The following RUVBL1 variants were observed in gnomAD, a reference collection of about 807,000 sequenced individuals.
RUVBL1 encodes RuvB like AAA ATPase 1.
Under a neutral mutation model 52.4 loss-of-function variants are expected in RUVBL1, and 4 were observed. The ratio of observed to expected loss-of-function variants is 0.08; its 90% CI spans 0.04 to 0.17. The LOEUF (loss-of-function observed/expected upper bound fraction) is 0.17, where lower values mean the gene tolerates loss of function less well. Among genes scored for constraint, RUVBL1 ranks in the 10% least tolerant of loss-of-function variants. The pLI is 1.00. For missense variants in RUVBL1, 298 were observed against 572.8 expected (o/e 0.52, Z 4.90); for synonymous variants, 217 against 214.4 (o/e 1.01, Z -0.10).
chr3:128,140,663 T>C (rs570157622), intron 1 of RUVBL1, among the ~76,000 whole-genome samples: 1 of 152,150 alleles, frequency 6.6e-6, no homozygotes, highest in Non-Finnish European at 1.5e-5. Flanking sequence ...ATGTGTCCCA[T>C]AGCAACATTT....
In RUVBL1 at chr3:128,150,871, T is replaced by TATA. The variant is rs1475806666; in HGVS notation, c.-40+2329_-40+2331dup. Among the ~76,000 whole-genome samples the TATA allele has an allele frequency of 3.5e-4, 24 of 69,156 alleles. 1 individual carries two copies. The highest frequency in any genetic ancestry group is 1.3e-3 in the South Asian group (3 of 2,264). 45.4% of individuals were successfully genotyped at this position (69,156 alleles called of 152,430 possible). A position where few individuals can be genotyped will look rare whatever the true frequency, so the allele number is the denominator to read the frequency against. ...TATTCTATATATTATATATTATATATATATATTCTATATATATATTCTATA... is the reference window on the plus strand; with the variant it reads ...TATTCTATATATTATATATTATATATATAATATATTCTATATATATATTCTATA... On this transcript the variant is annotated intron_variant, in intron 1 of 9. Transcript: ENST00000464873.
intron 3 of RUVBL1, among the ~76,000 whole-genome samples, chr3:128,107,499 C>A (rs1020948234): frequency 6.6e-6 from 1 of 152,184 alleles, no homozygotes; most frequent in Non-Finnish European, 1.5e-5. Flanking sequence ...GTGTCAGGTA[C>A]GCTCTGTAAC....
chr3:128,094,798 G>C (rs532079418), intron 8 of RUVBL1, among the ~76,000 whole-genome samples: 2 of 152,294 alleles, frequency 1.3e-5, no homozygotes, highest in East Asian at 3.9e-4. Flanking sequence ...GTTCTGGGGG[G>C]TAAGGAAGCC....
Position 128,110,252 on chromosome 3 carries a change from C to T in RUVBL1, c.361+2636G>A, listed in dbSNP as rs565968340. 9.2e-5 allele frequency among the ~76,000 whole-genome samples: 14 copies of T among 152,254 alleles called. No homozygotes were observed. In the South Asian group the frequency reaches 2.1e-3, roughly 23 times the overall value. The stretch of plus-strand genomic sequence containing the variant: ...AGCGAGCTATTGTTACACCACTGCA[C>T]TTTAGCCTGGACAACAGAGTAAGAC... On this transcript the variant is annotated intron_variant, in intron 3 of 10. Transcript: ENST00000322623.
chr3:128,098,023 G>C (rs1436749483), intron 7 of RUVBL1, among the ~76,000 whole-genome samples: 2 of 152,198 alleles, frequency 1.3e-5, no homozygotes, highest in South Asian at 2.1e-4. Flanking sequence ...GGTGCTTTTA[G>C]AATCCTGAGC....
chr3:128,066,888 C>T, intron 9 of RUVBL1: 1 of 1,522,656 alleles, frequency 6.6e-7, no homozygotes, highest in Non-Finnish European at 9.1e-7. Flanking sequence ...CCCGGCCGGG[C>T]TGTGTTTCTG....
chr3:128,078,502 C>T (rs147106205), downstream of RUVBL1, among the ~76,000 whole-genome samples: 35 of 152,300 alleles, frequency 2.3e-4, no homozygotes, highest in African/African-American at 7.5e-4. Flanking sequence ...GTGAAAATTC[C>T]TCCCTCCCTC....
chr3:128,125,509 G>A (rs1943773411), upstream of RUVBL1, among the ~76,000 whole-genome samples: 1 of 152,148 alleles, frequency 6.6e-6, no homozygotes, highest in Non-Finnish European at 1.5e-5. Flanking sequence ...TAAGTGCCTG[G>A]CACACAGCCT....
At chr3:128,133,680 G>C (rs1943911291) in intron 1 of RUVBL1, among the ~76,000 whole-genome samples, 1 of 152,254 alleles carries the variant, frequency 6.6e-6, no homozygotes, top group Admixed American at 6.5e-5. Flanking sequence ...GCTTTATTGG[G>C]CTTGGGGTGC....
rs1204746127 is a variant in RUVBL1, at chr3:128,081,435, G to C, written c.1212-26C>G. On this transcript the variant is annotated intron_variant, in intron 10 of 10. Coordinates refer to ENST00000322623, the MANE Select transcript of RUVBL1 (RefSeq NM_003707.3). This position sits in a 1 kb window ranked among gnomAD's most constrained non-coding sequence, Gnocchi z 4.8. ...CTAGAGTGGACAGGGGCCAGGGCTG[G>C]AGTGAAACTGGGGCCACCGAAGAAA... 3 of 1,597,224 alleles carry C rather than the reference G, an allele frequency of 1.9e-6. No individual in the cohort carries two copies. Among genetic ancestry groups the C allele is most frequent in the Non-Finnish European group, 1.7e-6 (2 of 1,167,606 alleles).
intron 1 of RUVBL1, among the ~76,000 whole-genome samples, chr3:128,151,889 C>T (rs548279073): frequency 2.6e-5 from 4 of 152,146 alleles, no homozygotes; most frequent in Non-Finnish European, 5.9e-5. Context: ...AAGGTAAGAT[C>T]CTGTGAACTT....
At chr3:128,150,666 C>CATATATTCTATACATATTCTATATATT (rs1944173701) in intron 1 of RUVBL1, among the ~76,000 whole-genome samples, 2 of 125,512 alleles carry the variant, frequency 1.6e-5, no homozygotes, top group African/African-American at 3.1e-5. Flanking sequence ...ATATTCTATA[C>CATATATTCTATACATATTCTATATATT]ATATATTCTA....
intron 1 of RUVBL1, among the ~76,000 whole-genome samples, chr3:128,145,025 C>T (rs527382556): frequency 6.6e-6 from 1 of 152,278 alleles, no homozygotes; most frequent in East Asian, 1.9e-4. Context: ...ATGGTGACAA[C>T]TCAGAGGAAG....
intron 1 of RUVBL1, among the ~76,000 whole-genome samples, chr3:128,141,057 A>G (rs1349775736): frequency 1.3e-5 from 2 of 152,156 alleles, no homozygotes; most frequent in Non-Finnish European, 2.9e-5. Context: ...GTTTCTGACT[A>G]TTTCTGGTAA....
At chr3:128,119,282 G>C (rs759905089) in intron 2 of RUVBL1, 46 bp downstream of exon 2, 2 of 1,484,610 alleles carry the variant, frequency 1.3e-6, no homozygotes, top group Non-Finnish European at 1.9e-6. Context: ...TTAGACACTA[G>C]GATCATTCTC....
At chr3:128,101,750 G>T in intron 4 of RUVBL1, 102 bp from the exon 5 acceptor site, 1 of 1,197,432 alleles carries the variant, frequency 8.4e-7, no homozygotes, top group Non-Finnish European at 1.2e-6. Context: ...GCTAGCAGGT[G>T]CATGGAGAAA....
intron 5 of RUVBL1, 41 bp from the exon 6 acceptor site, chr3:128,100,785 C>A: frequency 6.2e-7 from 1 of 1,612,636 alleles, no homozygotes; most frequent in African/African-American, 1.3e-5. Context: ...TAAGTTTTCA[C>A]TGCCAAGTCC....
downstream of RUVBL1, among the ~76,000 whole-genome samples, chr3:128,077,284 G>C (rs1376262331): frequency 6.6e-6 from 1 of 152,094 alleles, no homozygotes; most frequent in African/African-American, 2.4e-5. Flanking sequence ...GGGCCCTGCT[G>C]CGTGGCCCGC....
chr3:128,103,662 C>T (rs1943158930), intron 4 of RUVBL1, among the ~76,000 whole-genome samples: 1 of 152,212 alleles, frequency 6.6e-6, no homozygotes, highest in Non-Finnish European at 1.5e-5. Context: ...GCAGACAGTA[C>T]AACGGTTAGG....
Sources: allele counts gnomAD v4.1 joint callset (sites outside exome capture counted in the v4.1 genomes callset), GRCh38; gene constraint gnomAD v4.1.1; non-coding constraint Gnocchi (gnomAD v3.1); transcripts MANE v1.5; gene names NCBI Gene and HGNC (gene_info 2026-07-23, HGNC 2026-07-21).